The following TNFRSF1A variants were observed in gnomAD, a reference collection of about 807,000 sequenced individuals.
The protein encoded by TNFRSF1A is tumor necrosis factor receptor superfamily member 1A.
Under a neutral mutation model 41.6 loss-of-function variants are expected in TNFRSF1A, and 9 were observed. The ratio of observed to expected loss-of-function variants is 0.22; its 90% CI spans 0.13 to 0.38. TNFRSF1A has a LOEUF of 0.38. TNFRSF1A is among the 10% of genes least tolerant of loss of function. TNFRSF1A has a pLI of 1.00. For synonymous variants in TNFRSF1A, 254 were observed against 248.6 expected (o/e 1.02, Z -0.21); for missense variants, 463 against 591.5 (o/e 0.78, Z 2.25).
In TNFRSF1A at chr12:6,329,389, G is replaced by T; in HGVS notation, c.1291C>A (p.Leu431Met). 6.5e-7 allele frequency: 1 copy of T among 1,549,912 alleles called. No homozygotes were observed. Among genetic ancestry groups the T allele is most frequent in the Non-Finnish European group, 8.7e-7 (1 of 1,155,170 alleles). ...LGRVLRDMDL[L>M]GCLEDIEEAL... ...TCCTCGATGTCCTCCAGGCAGCCCA[G>T]CAGGTCCATGTCGCGGAGCACGCGT... is the stretch of plus-strand genomic sequence containing the variant. The change falls in exon 10 of 10, where the codon CTG (leucine) becomes ATG (methionine). Residue 431 changes from leucine to methionine, a missense_variant. Transcript: ENST00000162749.
intron 1 of TNFRSF1A, among the ~76,000 whole-genome samples, chr12:6,335,674 C>T (rs907008145): frequency 6.6e-6 from 1 of 152,040 alleles, no homozygotes; most frequent in African/African-American, 2.4e-5. Flanking sequence ...GTCTGTTAAA[C>T]ACTGGGGAGC....
chr12:6,337,117 A>G lies in TNFRSF1A; in HGVS notation c.40-2873T>C, dbSNP rs1183350043. 6.6e-6 allele frequency among the ~76,000 whole-genome samples: 1 copy of G among 152,206 alleles called. No individual in the cohort carries two copies. Among genetic ancestry groups the G allele is most frequent in the East Asian group, 1.9e-4 (1 of 5,194 alleles). On this transcript the variant is annotated intron_variant, in intron 1 of 9. Transcript: ENST00000162749. This position sits in a 1 kb window ranked among gnomAD's most constrained non-coding sequence, Gnocchi z 4.6. ...CTTCCCCTGGCCCCCAGAATGCTCC[A>G]GGTCAGCCCTCTCTGATCCCTAGGA... is the stretch of plus-strand genomic sequence containing the variant.
In TNFRSF1A at chr12:6,333,994, G is replaced by C; in HGVS notation, c.193+97C>G. The C allele has an allele frequency of 7.4e-6, 12 of 1,611,230 alleles. No individual in the cohort carries two copies. Among genetic ancestry groups the C allele is most frequent in the Non-Finnish European group, 1.0e-5 (12 of 1,177,552 alleles). On this transcript the variant is annotated intron_variant, in intron 2 of 9. Coordinates refer to ENST00000162749, the MANE Select transcript of TNFRSF1A (RefSeq NM_001065.4). The surrounding 1 kb of genome is among the most constrained non-coding windows in gnomAD (Gnocchi z 6.3). ...GAGGGAGGGAGAAAATCCCAGCCCAGGAGAGACAGCAAAGTTAGGGAAGAA... is the reference window on the plus strand; with the variant it reads ...GAGGGAGGGAGAAAATCCCAGCCCACGAGAGACAGCAAAGTTAGGGAAGAA...
chr12:6,330,369 G>C, intron 7 of TNFRSF1A, 74 bp from the exon 8 acceptor site: 1 of 1,413,066 alleles, frequency 7.1e-7, no homozygotes, highest in Non-Finnish European at 1.0e-6. Context: ...TCAGCTGGCA[G>C]TGGGGACTTG....
rs749489763 is a variant in TNFRSF1A at position 6,329,353 on chromosome 12, C to G, written c.1327G>C (p.Gly443Arg). 1.3e-6 allele frequency: 2 copies of G among 1,485,226 alleles called. No homozygotes were observed. The highest frequency in any genetic ancestry group is 2.3e-5 in the Admixed American group (1 of 42,970). 92.0% of individuals were successfully genotyped at this position (1,485,226 alleles called of 1,614,324 possible). ...GGCGCGGGCGGGAGGGCGGCGGGGCCGCAAAGCGCCTCCTCGATGTCCTCC... is the reference window on the plus strand; with the variant it reads ...GGCGCGGGCGGGAGGGCGGCGGGGCGGCAAAGCGCCTCCTCGATGTCCTCC... ...CLEDIEEALC[G>R]PAALPPAPSL... The change falls in exon 10 of 10, where the codon GGC (glycine) becomes CGC (arginine). Residue 443 changes from glycine (G) to arginine (R), a missense_variant. Coordinates refer to ENST00000162749, the MANE Select transcript of TNFRSF1A (RefSeq NM_001065.4).
At position 6,333,931 on chromosome 12, in the gene TNFRSF1A, C is replaced by A. The variant is rs1948085944; in HGVS notation, c.194-66G>T. On this transcript the variant is annotated intron_variant, in intron 2 of 9. Transcript: ENST00000162749. The surrounding 1 kb of genome is among the most constrained non-coding windows in gnomAD (Gnocchi z 6.3). ...CAAGGAAGGAGCCCCATGCTAGGGA[C>A]AACAGCCAGGGCCGATTCCCTGAAG... The A allele has an allele frequency of 1.2e-6, 2 of 1,603,744 alleles. No homozygotes were observed. The highest frequency in any genetic ancestry group is 8.5e-7 in the Non-Finnish European group (1 of 1,174,552).
rs571923020 is a variant in TNFRSF1A at position 6,337,511 on chromosome 12, T to G, written c.40-3267A>C. Among the ~76,000 whole-genome samples the G allele has an allele frequency of 1.1e-4, 16 of 152,250 alleles. No individual in the cohort carries two copies. The South Asian group carries it at 3.1e-3, about 30-fold the overall frequency. On this transcript the variant is annotated intron_variant, in intron 1 of 9. Coordinates refer to ENST00000162749, the MANE Select transcript of TNFRSF1A (RefSeq NM_001065.4). The surrounding 1 kb of genome is among the most constrained non-coding windows in gnomAD (Gnocchi z 4.6). Reference sequence around the variant, plus strand: ...TCTTCCTTTCCCCCTCATTCATGTGTCTGTTCATTTAATGTCAAGGTGTTG... The same window carrying G: ...TCTTCCTTTCCCCCTCATTCATGTGGCTGTTCATTTAATGTCAAGGTGTTG...
chr12:6,341,698 C>A lies in TNFRSF1A; in HGVS notation c.39+78G>T, dbSNP rs1245768048. The A allele has an allele frequency of 1.9e-6, 3 of 1,556,948 alleles. No individual in the cohort carries two copies. Among genetic ancestry groups the A allele is most frequent in the Non-Finnish European group, 2.6e-6 (3 of 1,138,234 alleles). ...CAGGCCCGGGCAGGAGAGGCTCGGC[C>A]CCCTCCCGGAGAGGGCCCACGCCAG... is the stretch of plus-strand genomic sequence containing the variant. On this transcript the variant is annotated intron_variant, in intron 1 of 9. Transcript: ENST00000162749. This position sits in a 1 kb window ranked among gnomAD's most constrained non-coding sequence, Gnocchi z 4.6.
chr12:6,329,878 CT>C lies in TNFRSF1A; in HGVS notation c.956del (p.Gln319ArgfsTer33), dbSNP rs771918534. 6.3e-7 allele frequency: 1 copy of C among 1,590,676 alleles called. No homozygotes were observed. Among genetic ancestry groups the C allele is most frequent in the Admixed American group, 1.8e-5 (1 of 55,648 alleles). ...CTGTCGCAAGGATGGGGTCAGCCCC[CT>C]GATAGGGTGGTGCCACCTCTCTGCG... ...APRREVAPPYQGADPILATAL... is the reference protein window; with the variant it reads ...APRREVAPPYXGADPILATAL... On this transcript the variant is annotated frameshift_variant, in exon 9 of 10. Transcript: ENST00000162749. LOFTEE classifies it high-confidence loss of function.
At position 6,341,899 on chromosome 12, in the gene TNFRSF1A, C is replaced by A; in HGVS notation, c.-85G>T. On this transcript the variant is annotated 5_prime_UTR_variant, in exon 1 of 10. Transcript: ENST00000162749. This position sits in a 1 kb window ranked among gnomAD's most constrained non-coding sequence, Gnocchi z 4.6. Reference sequence around the variant, plus strand: ...GTGCTGGGGCTTCCCGGGACTCGGTCTGTCCAGGACGTCCCAAGTGCCTTG... The same window carrying A: ...GTGCTGGGGCTTCCCGGGACTCGGTATGTCCAGGACGTCCCAAGTGCCTTG... 6.7e-7 allele frequency: 1 copy of A among 1,485,424 alleles called. No individual in the cohort carries two copies. Among genetic ancestry groups the A allele is most frequent in the South Asian group, 1.1e-5 (1 of 88,192 alleles). 92.0% of individuals were successfully genotyped at this position (1,485,424 alleles called of 1,614,324 possible). A position where few individuals can be genotyped will look rare whatever the true frequency, so the allele number is the denominator to read the frequency against.
At position 6,331,318 on chromosome 12, in the gene TNFRSF1A, G is replaced by T. The variant is rs1948047230; in HGVS notation, c.552-392C>A. 3 of 327,454 alleles carry T rather than the reference G, an allele frequency of 9.2e-6. No homozygotes were observed. In the Admixed American group the frequency reaches 1.3e-4, roughly 14 times the overall value. The allele number at this position is 327,454 out of a possible 1,614,324, so 20.3% of individuals were successfully genotyped here. A position where few individuals can be genotyped will look rare whatever the true frequency, so the allele number is the denominator to read the frequency against. On this transcript the variant is annotated intron_variant, in intron 5 of 9. Coordinates refer to ENST00000162749, the MANE Select transcript of TNFRSF1A (RefSeq NM_001065.4). ...ATTATGCCTCATTTAATAAGTGCTT[G>T]AGAAGGTAGCCAGCTAGCTGTTATG... is the stretch of plus-strand genomic sequence containing the variant.
Position 6,337,681 on chromosome 12 carries a change from C to A in TNFRSF1A, c.40-3437G>T, listed in dbSNP as rs1948138568. On this transcript the variant is annotated intron_variant, in intron 1 of 9. Coordinates refer to ENST00000162749, the MANE Select transcript of TNFRSF1A (RefSeq NM_001065.4). The surrounding 1 kb of genome is among the most constrained non-coding windows in gnomAD (Gnocchi z 4.6). Reference sequence around the variant, plus strand: ...TGAACTCGAAGCACGTGAACTGACCCTATCTACTTTTGGCTCTTATCATAA... The same window carrying A: ...TGAACTCGAAGCACGTGAACTGACCATATCTACTTTTGGCTCTTATCATAA... 6.6e-6 allele frequency among the ~76,000 whole-genome samples: 1 copy of A among 152,166 alleles called. No homozygotes were observed. The highest frequency in any genetic ancestry group is 1.5e-5 in the Non-Finnish European group (1 of 68,044).
At chr12:6,332,457 A>AAAGG (rs1364901075) in intron 5 of TNFRSF1A, among the ~76,000 whole-genome samples, 2 of 131,160 alleles carry the variant, frequency 1.5e-5, no homozygotes, top group African/African-American at 3.0e-5. Context: ...AAAAAAAAAC[A>AAAGG]CCAAAAGAAA....
Position 6,333,601 on chromosome 12 carries a change from C to T in TNFRSF1A, c.323-85G>A. On this transcript the variant is annotated intron_variant, in intron 3 of 9. Coordinates refer to ENST00000162749, the MANE Select transcript of TNFRSF1A (RefSeq NM_001065.4). This position sits in a 1 kb window ranked among gnomAD's most constrained non-coding sequence, Gnocchi z 6.3. Reference sequence around the variant, plus strand: ...CTGACATACCCCTAAGTGTGTGTCTCTGTAATACACACTCACATCCATGCA... The same window carrying T: ...CTGACATACCCCTAAGTGTGTGTCTTTGTAATACACACTCACATCCATGCA... The T allele has an allele frequency of 1.3e-6, 2 of 1,596,050 alleles. No individual in the cohort carries two copies. The highest frequency in any genetic ancestry group is 2.2e-5 in the East Asian group (1 of 44,584).
chr12:6,336,134 G>A (rs1272290050), intron 1 of TNFRSF1A, among the ~76,000 whole-genome samples: 2 of 152,178 alleles, frequency 1.3e-5, no homozygotes, highest in African/African-American at 4.8e-5. Context: ...GGGGGCTTGA[G>A]GCAGAGTCAT....
chr12:6,333,024 A>G lies in TNFRSF1A; in HGVS notation c.551+45T>C. 1 of 1,578,746 alleles carries G rather than the reference A, an allele frequency of 6.3e-7. No individual in the cohort carries two copies. Among genetic ancestry groups the G allele is most frequent in the East Asian group, 2.2e-5 (1 of 44,718 alleles). ...TGGTTCCCACCAGTCACCCGTCCCA[A>G]CCCATGCCACCATCCAGTGCCCAGC... On this transcript the variant is annotated intron_variant, in intron 5 of 9. Coordinates refer to ENST00000162749, the MANE Select transcript of TNFRSF1A (RefSeq NM_001065.4). This position sits in a 1 kb window ranked among gnomAD's most constrained non-coding sequence, Gnocchi z 6.3.
rs767955249 is a variant in TNFRSF1A, at chr12:6,329,525, G to C, written c.1155C>G (p.Ile385Met). 6.3e-7 allele frequency: 1 copy of C among 1,594,934 alleles called. No individual in the cohort carries two copies. Among genetic ancestry groups the C allele is most frequent in the Non-Finnish European group, 8.5e-7 (1 of 1,177,952 alleles). Residue 385 changes from isoleucine to methionine, a missense_variant, in exon 10 of 10, where the codon ATC becomes ATG. Coordinates refer to ENST00000162749, the MANE Select transcript of TNFRSF1A (RefSeq NM_001065.4). ...GCCCGTTCTGCAGCTCCAGCCGATC[G>C]ATCTCGTGGTCGCTCAGCCCTAGGC... Reference protein sequence around the residue: ...VRRLGLSDHEIDRLELQNGRC... With the variant: ...VRRLGLSDHEMDRLELQNGRC...
chr12:6,333,152 A>T lies in TNFRSF1A; in HGVS notation c.473-5T>A, dbSNP rs374967999. The stretch of plus-strand genomic sequence containing the variant: ...CGGTGTTCTGTTTCTCCTGGCCTGT[A>T]GGGAGAAGTGCGGCACAGCTAAAGG... On this transcript the variant is annotated splice_polypyrimidine_tract_variant and splice_region_variant and intron_variant, in intron 4 of 9. Coordinates refer to ENST00000162749, the MANE Select transcript of TNFRSF1A (RefSeq NM_001065.4). The surrounding 1 kb of genome is among the most constrained non-coding windows in gnomAD (Gnocchi z 6.3). 1.2e-6 allele frequency: 2 copies of T among 1,613,902 alleles called. No homozygotes were observed. Among genetic ancestry groups the T allele is most frequent in the African/African-American group, 2.7e-5 (2 of 74,938 alleles).
In TNFRSF1A at chr12:6,337,610, C is replaced by T. The variant is rs1948137447; in HGVS notation, c.40-3366G>A. Among the ~76,000 whole-genome samples the T allele has an allele frequency of 6.6e-6, 1 of 152,160 alleles. No individual in the cohort carries two copies. The highest frequency in any genetic ancestry group is 2.4e-5 in the African/African-American group (1 of 41,414). On this transcript the variant is annotated intron_variant, in intron 1 of 9. Coordinates refer to ENST00000162749, the MANE Select transcript of TNFRSF1A (RefSeq NM_001065.4). The surrounding 1 kb of genome is among the most constrained non-coding windows in gnomAD (Gnocchi z 4.6). ...CTCCCTCCCGTGAAGCCACCATTGA[C>T]GATGTCTGTTTCCTCCACCCCGGCT... is the stretch of plus-strand genomic sequence containing the variant.
Sources: gnomAD v4.1 joint callset for allele counts (sites outside exome capture counted in the v4.1 genomes callset) on GRCh38, gnomAD v4.1.1 for gene constraint, Gnocchi (gnomAD v3.1) non-coding constraint, MANE v1.5 for transcripts, NCBI Gene and HGNC (gene_info 2026-07-23, HGNC 2026-07-21) for gene names.